SLC2A14: variants seen among roughly 807,000 people sequenced by gnomAD.
SLC2A14 encodes solute carrier family 2 member 14, also known as solute carrier family 2, facilitated glucose transporter member 14.
In SLC2A14, 13 loss-of-function variants were observed where a neutral mutation model predicts 43.0. That is an observed-to-expected ratio of 0.30 (90% CI 0.20 to 0.48). SLC2A14 has a LOEUF of 0.48. Among genes scored for constraint, SLC2A14 ranks in the 20% least tolerant of loss-of-function variants. The pLI is 0.99. For missense variants in SLC2A14, 428 were observed against 620.4 expected, an observed-to-expected ratio of 0.69 and a Z score of 3.29; for synonymous variants, 190 against 233.8, an observed-to-expected ratio of 0.81 and a Z score of 1.71.
intron 2 of SLC2A14, among the ~76,000 whole-genome samples, chr12:7,841,643 CTTTGTGTT>C (rs1184907347): frequency 2.0e-5 from 3 of 152,124 alleles, no homozygotes; most frequent in African/African-American, 7.2e-5. Context: ...CAAGTTCATT[CTTTGTGTT>C]GTATATTCTA....
At chr12:7,839,440 G>A (rs932669102) in intron 2 of SLC2A14, among the ~76,000 whole-genome samples, 2 of 152,202 alleles carry the variant, frequency 1.3e-5, no homozygotes, top group African/African-American at 2.4e-5. Flanking sequence ...CAGGAGAAAT[G>A]ATGTTGAAGA....
Position 7,826,871 on chromosome 12 carries a change from TTC to T in SLC2A14, c.864+622_864+623del, listed in dbSNP as rs1369942283. Among the ~76,000 whole-genome samples, 128 of 48,024 alleles carry T rather than the reference TTC, an allele frequency of 2.7e-3. 5 individuals carry two copies. The highest frequency in any genetic ancestry group is 7.0e-3 in the East Asian group (12 of 1,716). 31.5% of individuals were successfully genotyped at this position (48,024 alleles called of 152,430 possible). On this transcript the variant is annotated intron_variant, in intron 7 of 10. Coordinates refer to ENST00000431042, the MANE Select transcript of SLC2A14 (RefSeq NM_001286234.2). Reference sequence around the variant, plus strand: ...CTTCCTTCCTTTCTTTTTTCTTTCTTTCTTTCTTTCTTTCTTTCTTTCTTTCT... The same window carrying T: ...CTTCCTTCCTTTCTTTTTTCTTTCTTTTTCTTTCTTTCTTTCTTTCTTTCT...
chr12:7,813,423 T>C lies in SLC2A14; in HGVS notation c.*893A>G, dbSNP rs1863182141. On this transcript the variant is annotated 3_prime_UTR_variant, in exon 11 of 11. Transcript: ENST00000431042. ...ATCACTTTCTCTTCCCTGGACTCCA[T>C]CCAAAATTAGAACCCATCAACCGCC... 1 of 152,128 alleles carries C rather than the reference T, an allele frequency of 6.6e-6. No homozygotes were observed. Among genetic ancestry groups the C allele is most frequent in the African/African-American group, 2.4e-5 (1 of 41,426 alleles). 9.4% of individuals were successfully genotyped at this position (152,128 alleles called of 1,614,324 possible). A position where few individuals can be genotyped will look rare whatever the true frequency, so the allele number is the denominator to read the frequency against.
rs1864855703 is a variant in SLC2A14, at chr12:7,829,869, C to T, written c.410G>A (p.Gly137Asp). The T allele has an allele frequency of 1.2e-6, 2 of 1,614,188 alleles. No homozygotes were observed. Among genetic ancestry groups the T allele is most frequent in the South Asian group, 1.1e-5 (1 of 91,082 alleles). The change falls in exon 5 of 11, where the codon GGT (glycine) becomes GAT (aspartate). Residue 137 changes from glycine to aspartate, a missense_variant. Coordinates refer to ENST00000431042, the MANE Select transcript of SLC2A14 (RefSeq NM_001286234.2). ...VIGLFCGLCT[G>D]FVPMYIGEIS... is the part of the protein sequence containing the mutation. ...CTCTCCAATGTACATGGGCACAAAA[C>T]CTGTGCAGAGTCCGCAGAAGAGGCC...
intron 1 of SLC2A14, among the ~76,000 whole-genome samples, chr12:7,880,028 C>A (rs75590107): frequency 0.29 from 43,750 of 150,980 alleles, 6,390 homozygotes; most frequent in South Asian, 0.38. Flanking sequence ...ACAGGCCGGG[C>A]ATCATGGCTC....
At chr12:7,890,000 C>T (rs986753264) in intron 1 of SLC2A14, among the ~76,000 whole-genome samples, 2 of 152,114 alleles carry the variant, frequency 1.3e-5, no homozygotes, top group Non-Finnish European at 2.9e-5. Flanking sequence ...AGAGGTCACT[C>T]TCGCCACCAT....
intron 1 of SLC2A14, among the ~76,000 whole-genome samples, chr12:7,883,569 T>C (rs12369628): frequency 0.37 from 49,048 of 131,726 alleles, 8,534 homozygotes; most frequent in Middle Eastern, 0.4. Flanking sequence ...CCCGGCCTCT[T>C]TTTCTTTTTC....
intron 2 of SLC2A14, among the ~76,000 whole-genome samples, chr12:7,852,536 C>T (rs1867022061): frequency 6.6e-6 from 1 of 152,092 alleles, no homozygotes; most frequent in African/African-American, 2.4e-5. Flanking sequence ...CAGAGAAATA[C>T]CATAGTCCCA....
intron 2 of SLC2A14, among the ~76,000 whole-genome samples, chr12:7,836,102 T>C (rs1174791845): frequency 1.3e-5 from 2 of 152,114 alleles, no homozygotes; most frequent in Non-Finnish European, 2.9e-5. Context: ...CAGGGCTAGG[T>C]GAATTATCCT....
chr12:7,817,008 G>A (rs1399870095), intron 10 of SLC2A14, among the ~76,000 whole-genome samples: 1 of 152,026 alleles, frequency 6.6e-6, no homozygotes, highest in African/African-American at 2.4e-5. Flanking sequence ...GCTCCCGGGT[G>A]CAATTTAAAA....
intron 2 of SLC2A14, chr12:7,863,561 G>A: frequency 5.7e-6 from 2 of 348,880 alleles, no homozygotes; most frequent in South Asian, 2.1e-5. Context: ...CACAGAGGTT[G>A]CAGTGAGCTG....
chr12:7,859,498 A>G (rs1337900925), intron 2 of SLC2A14, among the ~76,000 whole-genome samples: 5 of 152,174 alleles, frequency 3.3e-5, no homozygotes, highest in Admixed American at 3.3e-4. Context: ...ATACATGACC[A>G]GGGCTAGGGT....
At chr12:7,874,685 A>AATAT (rs1209638837), upstream of SLC2A14, among the ~76,000 whole-genome samples, 1 of 145,024 alleles carries the variant, frequency 6.9e-6, no homozygotes, top group Non-Finnish European at 1.5e-5. Context: ...AAAATATATA[A>AATAT]ATATATATAT....
intron 1 of SLC2A14, among the ~76,000 whole-genome samples, chr12:7,870,555 T>C (rs759938481): frequency 6.6e-6 from 1 of 152,108 alleles, no homozygotes; most frequent in East Asian, 1.9e-4. Context: ...ATTTCCTGAG[T>C]CTATTAGGAG....
intron 7 of SLC2A14, among the ~76,000 whole-genome samples, chr12:7,822,367 C>T: frequency 6.6e-6 from 1 of 151,816 alleles, no homozygotes; most frequent in Non-Finnish European, 1.5e-5. Flanking sequence ...TCTACTTCAC[C>T]AACTTATATG....
rs1202045412 is a variant in SLC2A14, at chr12:7,827,087, CTTTCTTTCTCTTTCTT to C, written c.864+392_864+407del. Among the ~76,000 whole-genome samples the C allele has an allele frequency of 9.5e-3, 1,026 of 108,556 alleles. 22 individuals are homozygous for C. Among genetic ancestry groups the C allele is most frequent in the African/African-American group, 0.034 (953 of 27,726 alleles). 71.2% of individuals were successfully genotyped at this position (108,556 alleles called of 152,430 possible). A position where few individuals can be genotyped will look rare whatever the true frequency, so the allele number is the denominator to read the frequency against. ...TTTCTCTCTCTCTCTTTCTTTCTTT[CTTTCTTTCTCTTTCTT>C]TCTTTCTTTCTTTTTATTTCTTTCT... On this transcript the variant is annotated intron_variant, in intron 7 of 10. Coordinates refer to ENST00000431042, the MANE Select transcript of SLC2A14 (RefSeq NM_001286234.2).
At chr12:7,851,004 A>C (rs1418265887) in intron 2 of SLC2A14, among the ~76,000 whole-genome samples, 1 of 152,136 alleles carries the variant, frequency 6.6e-6, no homozygotes, top group Non-Finnish European at 1.5e-5. Context: ...CTGAACCCCA[A>C]TTTGGTTGCT....
chr12:7,875,226 TG>T (rs1362774102), upstream of SLC2A14, among the ~76,000 whole-genome samples: 2 of 120,058 alleles, frequency 1.7e-5, no homozygotes, highest in Non-Finnish European at 3.3e-5. Flanking sequence ...TATTTATATA[TG>T]TATTTTTATA....
At chr12:7,875,522 A>T (rs1307915005), upstream of SLC2A14, among the ~76,000 whole-genome samples, 1 of 151,488 alleles carries the variant, frequency 6.6e-6, no homozygotes, top group African/African-American at 2.4e-5. Context: ...AAAAAAAATT[A>T]AAAAAAATTA....
Sources: allele counts gnomAD v4.1 joint callset (sites outside exome capture counted in the v4.1 genomes callset), GRCh38; gene constraint gnomAD v4.1.1; transcripts MANE v1.5; gene names NCBI Gene and HGNC (gene_info 2026-07-23, HGNC 2026-07-21).